Variants in MAGI2 observed in about 807,000 individuals in gnomAD.
MAGI2 encodes the protein membrane associated guanylate kinase, WW and PDZ domain containing 2, also known as membrane-associated guanylate kinase, WW and PDZ domain-containing protein 2.
Under a neutral mutation model 133.3 loss-of-function variants are expected in MAGI2, and 35 were observed. That is an observed-to-expected ratio of 0.26 (90% CI 0.20 to 0.35). MAGI2 has a LOEUF of 0.35. MAGI2 is among the 10% of genes least tolerant of loss of function. The pLI is 1.00. For synonymous variants in MAGI2, 729 were observed against 710.6 expected (o/e 1.03, Z -0.41); for missense variants, 1,636 against 1,863.4 (o/e 0.88, Z 2.25).
Position 78,655,441 on chromosome 7 carries a change from A to C in MAGI2, c.419-28202T>G, listed in dbSNP as rs199782658. Reference sequence around the variant, plus strand: ...AAACAAAACAAAACAAAAAACAAACAAAAAAAAACAACCAAAAAAAAAAAA... The same window carrying C: ...AAACAAAACAAAACAAAAAACAAACCAAAAAAAACAACCAAAAAAAAAAAA... On this transcript the variant is annotated intron_variant, in intron 2 of 21. Coordinates refer to ENST00000354212, the MANE Select transcript of MAGI2 (RefSeq NM_012301.4). Among the ~76,000 whole-genome samples the C allele has an allele frequency of 5.6e-3, 728 of 129,804 alleles. 16 individuals are homozygous for C. In the East Asian group the frequency reaches 0.074, roughly 13 times the overall value. 85.2% of individuals were successfully genotyped at this position (129,804 alleles called of 152,430 possible).
chr7:78,577,849 A>G (rs1408033333), intron 3 of MAGI2, among the ~76,000 whole-genome samples: 1 of 152,150 alleles, frequency 6.6e-6, no homozygotes, highest in African/African-American at 2.4e-5. Flanking sequence ...CACAGGGGAT[A>G]TGATGGCTTA....
At chr7:78,564,246 T>G (rs987123823) in intron 3 of MAGI2, among the ~76,000 whole-genome samples, 4 of 152,228 alleles carry the variant, frequency 2.6e-5, no homozygotes, top group African/African-American at 9.7e-5. Context: ...TTTAATGTTA[T>G]TCTGCTCAGC....
intron 2 of MAGI2, among the ~76,000 whole-genome samples, chr7:78,855,805 T>C (rs951386987): frequency 1.3e-5 from 2 of 152,202 alleles, no homozygotes; most frequent in Non-Finnish European, 2.9e-5. Context: ...GTATTTCTAG[T>C]TCTAGATCCT....
At chr7:78,280,853 CAAAA>C (rs36097343) in intron 9 of MAGI2, among the ~76,000 whole-genome samples, 3 of 108,068 alleles carry the variant, frequency 2.8e-5, no homozygotes, top group African/African-American at 7.3e-5. Flanking sequence ...GATGGGTATA[CAAAA>C]AAAAAAAAAA....
intron 3 of MAGI2, among the ~76,000 whole-genome samples, chr7:78,562,601 G>C (rs1800523188): frequency 6.6e-6 from 1 of 152,180 alleles, no homozygotes; most frequent in Non-Finnish European, 1.5e-5. Flanking sequence ...CTTTTTCTCA[G>C]TGAAACAGGT....
chr7:79,242,857 A>G (rs1832523282), intron 1 of MAGI2, among the ~76,000 whole-genome samples: 1 of 152,194 alleles, frequency 6.6e-6, no homozygotes. Flanking sequence ...GATATTTGCT[A>G]TTCTGTACCA....
At chr7:78,944,430 T>C (rs180748738) in intron 2 of MAGI2, among the ~76,000 whole-genome samples, 1 of 152,266 alleles carries the variant, frequency 6.6e-6, no homozygotes, top group Admixed American at 6.5e-5. Context: ...TCACTGGGTC[T>C]CCTCTGAGTA....
intron 2 of MAGI2, among the ~76,000 whole-genome samples, chr7:78,859,065 CT>C (rs530233757): frequency 0.027 from 3,942 of 147,784 alleles, 75 homozygotes; most frequent in Middle Eastern, 0.049. Context: ...GCAACCCCTG[CT>C]TTTTTTTTTG....
At chr7:79,105,309 T>C (rs1229746160) in intron 1 of MAGI2, among the ~76,000 whole-genome samples, 2 of 152,188 alleles carry the variant, frequency 1.3e-5, no homozygotes, top group African/African-American at 2.4e-5. Flanking sequence ...ACAACTGACT[T>C]ATGGAACTGT....
intron 1 of MAGI2, among the ~76,000 whole-genome samples, chr7:79,010,505 TTAAAA>T (rs746013526): frequency 6.6e-6 from 1 of 152,148 alleles, no homozygotes; most frequent in African/African-American, 2.4e-5. Flanking sequence ...TTATCTATTG[TTAAAA>T]TAAATAATTT....
At chr7:78,606,302 T>TCA (rs1336750718) in intron 3 of MAGI2, among the ~76,000 whole-genome samples, 1 of 152,130 alleles carries the variant, frequency 6.6e-6, no homozygotes, top group East Asian at 1.9e-4. Flanking sequence ...TTAGACTGGG[T>TCA]CAGTTGACTG....
At chr7:78,668,413 C>T (rs1437903657) in intron 2 of MAGI2, among the ~76,000 whole-genome samples, 3 of 150,818 alleles carry the variant, frequency 2.0e-5, no homozygotes, top group Non-Finnish European at 3.0e-5. Flanking sequence ...TCCCATTTGT[C>T]AATTTTGTCT....
chr7:79,429,671 A>G (rs765434292), intron 1 of MAGI2, among the ~76,000 whole-genome samples: 1 of 152,140 alleles, frequency 6.6e-6, no homozygotes, highest in Non-Finnish European at 1.5e-5. Flanking sequence ...TCCTACTTTC[A>G]ATAGAGTTTT....
chr7:78,833,232 C>T (rs1791343194), intron 2 of MAGI2, among the ~76,000 whole-genome samples: 1 of 152,174 alleles, frequency 6.6e-6, no homozygotes, highest in African/African-American at 2.4e-5. Context: ...AAATTCTTAT[C>T]TCTGTATACT....
rs180694091 is a variant in MAGI2 at position 78,420,840 on chromosome 7, C to A, written c.1046-51627G>T. 1.4e-3 allele frequency among the ~76,000 whole-genome samples: 219 copies of A among 152,166 alleles called. 1 individual carries two copies. The highest frequency in any genetic ancestry group is 2.2e-3 in the Non-Finnish European group (152 of 67,998). ...AACCAAAATGAGAAATGATTGTAAA[C>A]CGTATTGAGCAAAGTTCTTGAAATG... On this transcript the variant is annotated intron_variant, in intron 6 of 21. Transcript: ENST00000354212.
At chr7:78,645,751 T>C (rs188593054) in intron 2 of MAGI2, among the ~76,000 whole-genome samples, 7,258 of 151,332 alleles carry the variant, frequency 0.048, 264 homozygotes, top group East Asian at 0.15. Context: ...TTTTTTTTTT[T>C]TCCCCGAGAC....
intron 9 of MAGI2, among the ~76,000 whole-genome samples, chr7:78,289,212 A>G (rs1343557121): frequency 2.0e-5 from 3 of 152,202 alleles, no homozygotes; most frequent in Non-Finnish European, 4.4e-5. Context: ...ACCTTGAAAA[A>G]AGATTAGACG....
intron 6 of MAGI2, among the ~76,000 whole-genome samples, chr7:78,460,640 A>G (rs1789873172): frequency 6.6e-6 from 1 of 152,154 alleles, no homozygotes; most frequent in Non-Finnish European, 1.5e-5. Context: ...TTTACTCCTT[A>G]TTTACAAAGG....
At chr7:78,294,856 G>T (rs1177773462) in intron 9 of MAGI2, among the ~76,000 whole-genome samples, 1 of 152,008 alleles carries the variant, frequency 6.6e-6, no homozygotes, top group Non-Finnish European at 1.5e-5. Flanking sequence ...AAAAAATTTC[G>T]GTACAATAGT....
Sources: gnomAD v4.1 joint callset for allele counts (sites outside exome capture counted in the v4.1 genomes callset) on GRCh38, gnomAD v4.1.1 for gene constraint, MANE v1.5 for transcripts, NCBI Gene and HGNC (gene_info 2026-07-23, HGNC 2026-07-21) for gene names.